The following SHOC1 variants were observed in gnomAD, a reference collection of about 807,000 sequenced individuals.
The protein encoded by SHOC1 is protein shortage in chiasmata 1 ortholog.
SHOC1 carries 136 observed loss-of-function variants against 179.2 expected under a neutral mutation model. The observed-to-expected ratio is 0.76, with a 90% CI of 0.66 to 0.87. The LOEUF is 0.87. Ranked by LOEUF, SHOC1 falls within the 40% of genes least tolerant of loss-of-function variation. The pLI, the probability that SHOC1 is intolerant of heterozygous loss-of-function variation, is 0.00. For missense variants in SHOC1, 1,538 were observed against 1,700.8 expected (o/e 0.90, Z 1.68); for synonymous variants, 489 against 586.6 (o/e 0.83, Z 2.41).
In SHOC1 at chr9:111,698,466, T is replaced by G. The variant is rs560554601; in HGVS notation, c.3183+1488A>C. On this transcript the variant is annotated intron_variant, in intron 24 of 27. Coordinates refer to ENST00000682961, the MANE Select transcript of SHOC1 (RefSeq NM_001378211.1). Reference sequence around the variant, plus strand: ...AAATAAGGAATCCTTTTCCCATTTCTTGTTTTTGTCAGGTTTGTCAAAGAT... The same window carrying G: ...AAATAAGGAATCCTTTTCCCATTTCGTGTTTTTGTCAGGTTTGTCAAAGAT... 1.1e-4 allele frequency among the ~76,000 whole-genome samples: 17 copies of G among 152,374 alleles called. No individual in the cohort carries two copies. In the South Asian group the frequency reaches 2.9e-3, roughly 26 times the overall value.
intron 5 of SHOC1, among the ~76,000 whole-genome samples, chr9:111,763,102 A>G (rs1253206226): frequency 6.6e-6 from 1 of 151,972 alleles, no homozygotes; most frequent in Non-Finnish European, 1.5e-5. Context: ...TAAATCTTGG[A>G]TACATAACCT....
Position 111,686,794 on chromosome 9 carries a change from C to G in SHOC1, c.4503G>C (p.Gly1501=). 1 of 1,612,842 alleles carries G rather than the reference C, an allele frequency of 6.2e-7. No homozygotes were observed. The highest frequency in any genetic ancestry group is 8.5e-7 in the Non-Finnish European group (1 of 1,179,044). Residue 1501 remains glycine (G), a synonymous_variant, in exon 28 of 28, where the codon GGG becomes GGC. Coordinates refer to ENST00000682961, the MANE Select transcript of SHOC1 (RefSeq NM_001378211.1). Reference sequence around the variant, plus strand: ...TTCAAAAAAACCTCAGCCGAGTCTGCCCATCAACTCTACCAGGGACTTTTT... The same window carrying G: ...TTCAAAAAAACCTCAGCCGAGTCTGGCCATCAACTCTACCAGGGACTTTTT... The part of the protein sequence containing the change: ...AYEKVPGRVD[G]QTRLRFF
At chr9:111,687,759 T>C (rs1466479945) in intron 27 of SHOC1, among the ~76,000 whole-genome samples, 1 of 152,074 alleles carries the variant, frequency 6.6e-6, no homozygotes, top group Admixed American at 6.5e-5. Context: ...CTTCTTCTTT[T>C]TTTTTTTCTT....
At chr9:111,787,495 GA>G (rs1346818245) in intron 2 of SHOC1, among the ~76,000 whole-genome samples, 1 of 152,198 alleles carries the variant, frequency 6.6e-6, no homozygotes, top group African/African-American at 2.4e-5. Flanking sequence ...AGAGGTGATA[GA>G]AATAGCAAGA....
intron 18 of SHOC1, among the ~76,000 whole-genome samples, chr9:111,709,762 G>C (rs1337525094): frequency 6.6e-6 from 1 of 152,170 alleles, no homozygotes; most frequent in African/African-American, 2.4e-5. Context: ...AAAGTAAAAA[G>C]TGTAACTGAG....
chr9:111,691,731 C>T lies in SHOC1; in HGVS notation c.4246G>A (p.Glu1416Lys), dbSNP rs2131308673. The change falls in exon 27 of 28, where the codon GAG (glutamate) becomes AAG (lysine). Residue 1416 changes from glutamate to lysine, a missense_variant. Coordinates refer to ENST00000682961, the MANE Select transcript of SHOC1 (RefSeq NM_001378211.1). ...EGLTCESSKD[E>K]TFWRELPSVP... Reference sequence around the variant, plus strand: ...GATGGTAATTCTCTCCAGAAAGTCTCATCTTTTGAACTTTCACATGTGAGG... The same window carrying T: ...GATGGTAATTCTCTCCAGAAAGTCTTATCTTTTGAACTTTCACATGTGAGG... 1 of 1,613,946 alleles carries T rather than the reference C, an allele frequency of 6.2e-7. No homozygotes were observed.
intron 27 of SHOC1, among the ~76,000 whole-genome samples, chr9:111,687,108 G>A (rs751023171): frequency 3.3e-5 from 5 of 151,784 alleles, no homozygotes; most frequent in Admixed American, 2.0e-4. Flanking sequence ...CACCACGCCC[G>A]GCTAATTTTT....
At chr9:111,794,775 G>C (rs575694141) in intron 1 of SHOC1, 125 bp downstream of exon 1, 10 of 152,242 alleles carry the variant, frequency 6.6e-5, no homozygotes, top group Non-Finnish European at 1.5e-4. Flanking sequence ...CATCGGCCGG[G>C]CCTCACAGAT....
chr9:111,738,498 C>CT lies in SHOC1; in HGVS notation c.1198dup (p.Ser400LysfsTer15), dbSNP rs1833905538. 6.4e-7 allele frequency: 1 copy of CT among 1,570,144 alleles called. No homozygotes were observed. The highest frequency in any genetic ancestry group is 2.3e-5 in the East Asian group (1 of 43,742). ...TTTCAAATCTGTAACTGAATATTGG[C>CT]TGTGGGGCTCTTGAATTCTTGGCAC... is the stretch of plus-strand genomic sequence containing the variant. On this transcript the variant is annotated frameshift_variant, in exon 12 of 28. Coordinates refer to ENST00000682961, the MANE Select transcript of SHOC1 (RefSeq NM_001378211.1). LOFTEE classifies it high-confidence loss of function.
chr9:111,794,355 G>A (rs1191560850), intron 1 of SHOC1, among the ~76,000 whole-genome samples: 1 of 151,418 alleles, frequency 6.6e-6, no homozygotes, highest in Non-Finnish European at 1.5e-5. Flanking sequence ...AGGCCGAGGC[G>A]GGTGGATCAC....
At chr9:111,774,361 C>A (rs1212992152) in intron 5 of SHOC1, among the ~76,000 whole-genome samples, 2 of 152,174 alleles carry the variant, frequency 1.3e-5, no homozygotes, top group African/African-American at 4.8e-5. Context: ...TGCAGTGGCA[C>A]GATCATGGCT....
At chr9:111,719,715 G>T (rs1272984491) in intron 15 of SHOC1, among the ~76,000 whole-genome samples, 1 of 152,068 alleles carries the variant, frequency 6.6e-6, no homozygotes, top group East Asian at 1.9e-4. Flanking sequence ...GTAAACTATG[G>T]ATTAACACCT....
intron 5 of SHOC1, among the ~76,000 whole-genome samples, chr9:111,762,093 A>G (rs1474461034): frequency 6.6e-6 from 1 of 152,110 alleles, no homozygotes; most frequent in African/African-American, 2.4e-5. Context: ...TCAAATTTGG[A>G]AATGTGTGAT....
chr9:111,694,424 T>A (rs1831598014), intron 24 of SHOC1, 62 bp from the exon 25 acceptor site: 2 of 1,255,320 alleles, frequency 1.6e-6, no homozygotes, highest in East Asian at 4.7e-5. Context: ...TAATATTTTT[T>A]AAACAGTTTG....
At chr9:111,720,860 G>A (rs991100445) in intron 15 of SHOC1, among the ~76,000 whole-genome samples, 2 of 152,166 alleles carry the variant, frequency 1.3e-5, no homozygotes, top group East Asian at 3.8e-4. Flanking sequence ...AGAAGTGTCA[G>A]CGTCCTTTTC....
At chr9:111,691,361 TATA>T (rs1277670741) in intron 27 of SHOC1, among the ~76,000 whole-genome samples, 187 bp downstream of exon 27, 1 of 152,222 alleles carries the variant, frequency 6.6e-6, no homozygotes, top group Non-Finnish European at 1.5e-5. Flanking sequence ...CACTTAAGGT[TATA>T]ATAATTTAAC....
chr9:111,756,699 T>A (rs1312964165), intron 7 of SHOC1, among the ~76,000 whole-genome samples: 1 of 152,234 alleles, frequency 6.6e-6, no homozygotes, highest in African/African-American at 2.4e-5. Flanking sequence ...TATTTTATGG[T>A]CACTCATTAC....
chr9:111,724,280 T>G (rs1833199120), intron 13 of SHOC1, among the ~76,000 whole-genome samples: 1 of 152,170 alleles, frequency 6.6e-6, no homozygotes, highest in Non-Finnish European at 1.5e-5. Flanking sequence ...CTTCTACTAC[T>G]AACCCTCTCC....
rs201764287 is a variant in SHOC1, at chr9:111,756,476, C to T, written c.711G>A (p.Pro237=). 1.0e-4 allele frequency: 160 copies of T among 1,585,532 alleles called. No homozygotes were observed. The highest frequency in any genetic ancestry group is 1.0e-3 in the Middle Eastern group (6 of 5,994). ...KLEDTICLNE[P]SSFLIEYEFL... ...ATTCATACTCAATAAGAAAACTTGA[C>T]GGCTGAAAAAACATAGTTTAAAAAA... Residue 237 remains proline, a splice_region_variant and synonymous_variant, in exon 8 of 28, where the codon CCG becomes CCA. Coordinates refer to ENST00000682961, the MANE Select transcript of SHOC1 (RefSeq NM_001378211.1).
Sources: gnomAD v4.1 joint callset for allele counts (sites outside exome capture counted in the v4.1 genomes callset) on GRCh38, gnomAD v4.1.1 for gene constraint, MANE v1.5 for transcripts, NCBI Gene and HGNC (gene_info 2026-07-23, HGNC 2026-07-21) for gene names.